CRACDL: variants seen among roughly 807,000 people sequenced by gnomAD.
CRACDL encodes the protein CRACD like, also known as CRACD-like protein.
Under a neutral mutation model 70.6 loss-of-function variants are expected in CRACDL, and 26 were observed. The observed-to-expected ratio is 0.37, with a 90% CI of 0.27 to 0.51. The LOEUF is 0.51. Ranked by LOEUF, CRACDL falls within the 20% of genes least tolerant of loss-of-function variation. The pLI is 0.94. For synonymous variants in CRACDL, 618 were observed against 615.2 expected (o/e 1.00, Z -0.07); for missense variants, 1,283 against 1,376.9 (o/e 0.93, Z 1.08).
chr2:98,935,296 C>T (rs1558647024), intron 1 of CRACDL, among the ~76,000 whole-genome samples: 1 of 152,172 alleles, frequency 6.6e-6, no homozygotes, highest in Non-Finnish European at 1.5e-5. Flanking sequence ...CAAATTCACA[C>T]AGCCGCACTG....
chr2:98,837,311 G>A (rs1340171612), intron 3 of CRACDL, among the ~76,000 whole-genome samples: 1 of 152,042 alleles, frequency 6.6e-6, no homozygotes, highest in African/African-American at 2.4e-5. Flanking sequence ...AAGGAGGCTG[G>A]GGAGGGGCGA....
At chr2:98,851,566 T>C (rs565235498) in intron 1 of CRACDL, among the ~76,000 whole-genome samples, 14 of 152,326 alleles carry the variant, frequency 9.2e-5, no homozygotes, top group African/African-American at 2.4e-4. Context: ...TTTCCCTCAC[T>C]TTCTTCCCAT....
intron 7 of CRACDL, among the ~76,000 whole-genome samples, chr2:98,817,437 C>A (rs1704830195): frequency 6.6e-6 from 1 of 152,062 alleles, no homozygotes; most frequent in Admixed American, 6.5e-5. Context: ...TAAAACCCCC[C>A]ACAGCTTGTA....
intron 1 of CRACDL, among the ~76,000 whole-genome samples, chr2:98,933,764 T>TC (rs1394376563): frequency 6.6e-6 from 1 of 152,142 alleles, no homozygotes; most frequent in Non-Finnish European, 1.5e-5. Context: ...TCACATCTAT[T>TC]CTCTCATTTA....
At chr2:98,825,976 T>C (rs1226516587) in intron 6 of CRACDL, among the ~76,000 whole-genome samples, 2 of 152,096 alleles carry the variant, frequency 1.3e-5, no homozygotes, top group African/African-American at 4.8e-5. Flanking sequence ...ACCACAATCA[T>C]GTCATGAGGG....
At chr2:98,846,845 T>C (rs1380064325) in intron 1 of CRACDL, 35 bp from the exon 2 acceptor site, 1 of 1,561,510 alleles carries the variant, frequency 6.4e-7, no homozygotes, top group East Asian at 2.2e-5. Flanking sequence ...TAAAGAAACA[T>C]GGTTAGCAGA....
intron 1 of CRACDL, among the ~76,000 whole-genome samples, chr2:98,848,063 G>T (rs1406560141): frequency 6.6e-6 from 1 of 152,134 alleles, no homozygotes; most frequent in African/African-American, 2.4e-5. Context: ...AAAACTCTTG[G>T]AACCTCACCA....
chr2:98,795,077 A>ATATATATATATATATATT, intron 9 of CRACDL, among the ~76,000 whole-genome samples: 12 of 58,474 alleles, frequency 2.1e-4, no homozygotes, highest in African/African-American at 7.3e-4. Flanking sequence ...ATATATATAT[A>ATATATATATATATATATT]TTTTTTTTTT....
chr2:98,853,247 A>G (rs1399398893), intron 1 of CRACDL, among the ~76,000 whole-genome samples: 3 of 152,230 alleles, frequency 2.0e-5, no homozygotes, highest in Non-Finnish European at 4.4e-5. Context: ...TCTTGACAAC[A>G]GCCAGAGAAA....
At chr2:98,896,555 CTG>C (rs1453353585) in intron 1 of CRACDL, among the ~76,000 whole-genome samples, 1 of 152,288 alleles carries the variant, frequency 6.6e-6, no homozygotes, top group East Asian at 1.9e-4. Flanking sequence ...GGAAACCAGA[CTG>C]TGACCTTCAG....
intron 2 of CRACDL, chr2:98,840,546 C>T (rs1705983889): frequency 6.6e-6 from 1 of 151,958 alleles, no homozygotes; most frequent in Admixed American, 6.6e-5. Context: ...TATATCTTTA[C>T]CGATTTTTAA....
At chr2:98,847,933 A>G (rs1347030002) in intron 1 of CRACDL, among the ~76,000 whole-genome samples, 1 of 152,276 alleles carries the variant, frequency 6.6e-6, no homozygotes, top group East Asian at 1.9e-4. Flanking sequence ...ATTTCTTCTA[A>G]TGTTCATCCT....
intron 1 of CRACDL, among the ~76,000 whole-genome samples, chr2:98,886,577 G>T (rs1266265072): frequency 6.6e-6 from 1 of 152,222 alleles, no homozygotes; most frequent in African/African-American, 2.4e-5. Flanking sequence ...GTGTTGAAAG[G>T]AGTGTCCCAA....
chr2:98,849,532 C>T (rs1404544605), intron 1 of CRACDL, among the ~76,000 whole-genome samples: 2 of 151,870 alleles, frequency 1.3e-5, no homozygotes, highest in Non-Finnish European at 2.9e-5. Context: ...GAGAAAGCTG[C>T]ACGGGGCAGA....
intron 1 of CRACDL, among the ~76,000 whole-genome samples, chr2:98,885,270 A>G (rs1707770874): frequency 6.6e-6 from 1 of 152,006 alleles, no homozygotes; most frequent in South Asian, 2.1e-4. Flanking sequence ...TGGGATCGGA[A>G]CTCCTGACTT....
chr2:98,911,961 G>A (rs1332009021), intron 1 of CRACDL, among the ~76,000 whole-genome samples: 1 of 152,192 alleles, frequency 6.6e-6, no homozygotes, highest in African/African-American at 2.4e-5. Context: ...TGACACGCTT[G>A]TGATTAAATA....
chr2:98,853,810 AACAG>A (rs1706581138), intron 1 of CRACDL, among the ~76,000 whole-genome samples: 1 of 152,224 alleles, frequency 6.6e-6, no homozygotes, highest in Non-Finnish European at 1.5e-5. Context: ...ACTAACTCTA[AACAG>A]ACAGTCACAA....
chr2:98,866,186 G>A (rs749486942), intron 1 of CRACDL, among the ~76,000 whole-genome samples: 1 of 152,130 alleles, frequency 6.6e-6, no homozygotes, highest in Non-Finnish European at 1.5e-5. Flanking sequence ...AAGCAAGAAG[G>A]GCGAGTAAAG....
At position 98,794,497 on chromosome 2, in the gene CRACDL, G is replaced by A; in HGVS notation, c.*35C>T. The stretch of plus-strand genomic sequence containing the variant: ...CAGTTTTTAACTAAGTGGCTTGTCA[G>A]GGTAGTGGACATGCTTTATCAGCAC... On this transcript the variant is annotated 3_prime_UTR_variant, in exon 10 of 10. Coordinates refer to ENST00000397899, the MANE Select transcript of CRACDL (RefSeq NM_207362.3). The A allele has an allele frequency of 6.3e-7, 1 of 1,597,528 alleles. No individual in the cohort carries two copies. Among genetic ancestry groups the A allele is most frequent in the African/African-American group, 1.3e-5 (1 of 74,780 alleles).
Sources: gnomAD v4.1 joint callset for allele counts (sites outside exome capture counted in the v4.1 genomes callset) on GRCh38, gnomAD v4.1.1 for gene constraint, MANE v1.5 for transcripts, NCBI Gene and HGNC (gene_info 2026-07-23, HGNC 2026-07-21) for gene names.